The following ATP6V1B1 variants were observed in gnomAD, a reference collection of about 807,000 sequenced individuals.
The protein encoded by ATP6V1B1 is ATPase H+ transporting V1 subunit B1, also known as V-type proton ATPase subunit B, kidney isoform.
ATP6V1B1 carries 41 observed loss-of-function variants against 62.1 expected under a neutral mutation model. The observed-to-expected ratio is 0.66, with a 90% CI of 0.51 to 0.86. The LOEUF (loss-of-function observed/expected upper bound fraction) is 0.86. Ranked by LOEUF, ATP6V1B1 falls within the 40% of genes least tolerant of loss-of-function variation. The probability of loss-of-function intolerance (pLI) is 0.00; values close to 1 mark genes in which losing one functional copy is unlikely to be tolerated. For synonymous variants in ATP6V1B1, 253 were observed against 273.4 expected (o/e 0.93, Z 0.74); for missense variants, 651 against 697.5 (o/e 0.93, Z 0.75).
At chr2:70,939,443 CAG>C (rs1395617415) in intron 1 of ATP6V1B1, 18 of 152,328 alleles carry the variant, frequency 1.2e-4, no homozygotes, top group African/African-American at 4.3e-4. Flanking sequence ...CCCAGGGTTG[CAG>C]AGTGGGCCAT....
At chr2:70,941,755 G>A in intron 1 of ATP6V1B1, 4 of 985,854 alleles carry the variant, frequency 4.1e-6, no homozygotes, top group African/African-American at 1.7e-5. Flanking sequence ...GGAAAGGAGA[G>A]GAAGAAGTGG....
At chr2:70,944,216 C>T in intron 2 of ATP6V1B1, 2 of 1,289,308 alleles carry the variant, frequency 1.6e-6, no homozygotes, top group Non-Finnish European at 2.0e-6. Context: ...ATCTCAGTCT[C>T]AGCAACATGG....
intron 1 of ATP6V1B1, chr2:70,941,436 C>T (rs1680002575): frequency 1.0e-6 from 1 of 985,306 alleles, no homozygotes; most frequent in Non-Finnish European, 1.2e-6. Context: ...TCCCCAGCTC[C>T]CTGGGGGCTG....
intron 2 of ATP6V1B1, among the ~76,000 whole-genome samples, chr2:70,948,048 A>C (rs375219871): frequency 6.6e-6 from 1 of 152,216 alleles, no homozygotes; most frequent in East Asian, 1.9e-4. Context: ...AAGGTTCCAG[A>C]CACTACACCC....
intron 2 of ATP6V1B1, among the ~76,000 whole-genome samples, chr2:70,946,879 C>T (rs10185513): frequency 0.28 from 41,944 of 152,030 alleles, 5,808 homozygotes; most frequent in Admixed American, 0.33. Context: ...GGTCCCCAGA[C>T]CTGTGGTTTT....
At position 70,963,611 on chromosome 2, in the gene ATP6V1B1, C is replaced by T. The variant is rs199924171; in HGVS notation, c.1100C>T (p.Thr367Ile). ...HPIPDLTGFI[T>I]EGQIYVDRQL... ...ATCCCAGACTTGACGGGCTTCATCA[C>T]AGAGGGACAGATCTACGTGGACAGA... is the stretch of plus-strand genomic sequence containing the variant. The change falls in exon 11 of 14, where the codon ACA (threonine) becomes ATA (isoleucine). Residue 367 changes from threonine (T) to isoleucine (I), a missense_variant. Coordinates refer to ENST00000234396, the MANE Select transcript of ATP6V1B1 (RefSeq NM_001692.4). The surrounding 1 kb of genome is among the most constrained non-coding windows in gnomAD (Gnocchi z 4.3). 69 of 1,614,090 alleles carry T rather than the reference C, an allele frequency of 4.3e-5. No homozygotes were observed. Among genetic ancestry groups the T allele is most frequent in the Admixed American group, 6.7e-5 (4 of 60,010 alleles).
intron 1 of ATP6V1B1, 59 bp downstream of exon 1, chr2:70,936,131 C>T (rs1679846438): frequency 6.4e-7 from 1 of 1,558,732 alleles, no homozygotes; most frequent in African/African-American, 1.4e-5. Context: ...GGTGGGCTGC[C>T]AGGTTCCCGG....
intron 1 of ATP6V1B1, among the ~76,000 whole-genome samples, chr2:70,938,093 C>G (rs782770501): frequency 5.3e-5 from 8 of 152,172 alleles, no homozygotes; most frequent in Non-Finnish European, 1.0e-4. Context: ...TGCTGCCTAT[C>G]AAGTATCCTC....
chr2:70,965,279 G>C lies in ATP6V1B1; in HGVS notation c.*158G>C. 2 of 1,062,276 alleles carry C rather than the reference G, an allele frequency of 1.9e-6. No homozygotes were observed. The highest frequency in any genetic ancestry group is 4.9e-5 in the Admixed American group (2 of 40,926). 65.8% of individuals were successfully genotyped at this position (1,062,276 alleles called of 1,614,324 possible). A position where few individuals can be genotyped will look rare whatever the true frequency, so the allele number is the denominator to read the frequency against. On this transcript the variant is annotated 3_prime_UTR_variant, in exon 14 of 14. Transcript: ENST00000234396. ...GCCGCACGCTCCATCCCTTTCCCTCGCTCGATTCCTTTTCCCGCGCTCCAT... is the reference window on the plus strand; with the variant it reads ...GCCGCACGCTCCATCCCTTTCCCTCCCTCGATTCCTTTTCCCGCGCTCCAT...
intron 1 of ATP6V1B1, chr2:70,938,800 A>G (rs1238456567): frequency 2.0e-6 from 2 of 985,206 alleles, no homozygotes; most frequent in Non-Finnish European, 2.4e-6. Context: ...TGGAGGGTGG[A>G]GGTGCCCAGC....
Position 70,962,788 on chromosome 2 carries a change from T to A in ATP6V1B1, c.797T>A (p.Ile266Asn). The A allele has an allele frequency of 6.2e-7, 1 of 1,614,002 alleles. No individual in the cohort carries two copies. The highest frequency in any genetic ancestry group is 1.1e-5 in the South Asian group (1 of 91,056). Residue 266 changes from isoleucine (I) to asparagine (N), a missense_variant, in exon 9 of 14, where the codon ATC (isoleucine) becomes AAC (asparagine). Physicochemically the swap from Ile to Asn is moderately radical, Grantham distance 149. Transcript: ENST00000234396. ...NLANDPTIERIITPRLALTTA... is the reference protein window; with the variant it reads ...NLANDPTIERNITPRLALTTA... The stretch of plus-strand genomic sequence containing the variant: ...GGCTACACCTCCAGGATCGAGCGGA[T>A]CATCACCCCGCGCCTGGCGCTGACC...
At position 70,964,114 on chromosome 2, in the gene ATP6V1B1, A is replaced by ATTT. The variant is rs66905923; in HGVS notation, c.1144-304_1144-302dup. 1,069 of 126,976 alleles carry ATTT rather than the reference A, an allele frequency of 8.4e-3. 129 individuals carry two copies. Among genetic ancestry groups the ATTT allele is most frequent in the South Asian group, 0.025 (226 of 9,116 alleles). 7.9% of individuals were successfully genotyped at this position (126,976 alleles called of 1,614,324 possible). The stretch of plus-strand genomic sequence containing the variant: ...ACGTTTTTCTCTTTGCTTGGCAGGT[A>ATTT]TTTTTTTTTTTTTTTTTTTTTTGCA... On this transcript the variant is annotated intron_variant, in intron 11 of 13. Transcript: ENST00000234396.
Position 70,962,839 on chromosome 2 carries a change from G to A in ATP6V1B1, c.848G>A (p.Cys283Tyr), listed in dbSNP as rs1553420348. The change falls in exon 9 of 14, where the codon TGT (cysteine) becomes TAT (tyrosine). Residue 283 changes from cysteine (C) to tyrosine (Y), a missense_variant. Transcript: ENST00000234396. ...ACTGCTGAATTCCTTGCCTACCAGT[G>A]TGAGAAGCATGTGCTGGTCATACTG... is the stretch of plus-strand genomic sequence containing the variant. ...LTTAEFLAYQCEKHVLVILTD... is the reference protein window; with the variant it reads ...LTTAEFLAYQYEKHVLVILTD... 6.2e-7 allele frequency: 1 copy of A among 1,614,210 alleles called. No individual in the cohort carries two copies. Among genetic ancestry groups the A allele is most frequent in the Non-Finnish European group, 8.5e-7 (1 of 1,180,026 alleles).
chr2:70,949,662 A>G (rs1553417963), intron 2 of ATP6V1B1, among the ~76,000 whole-genome samples: 1 of 152,214 alleles, frequency 6.6e-6, no homozygotes, highest in African/African-American at 2.4e-5. Context: ...CATTTCTCTG[A>G]TAACTAGGAA....
At position 70,956,886 on chromosome 2, in the gene ATP6V1B1, A is replaced by G. The variant is rs139616788; in HGVS notation, c.175-1160A>G. 9.2e-5 allele frequency among the ~76,000 whole-genome samples: 14 copies of G among 151,890 alleles called. No individual in the cohort carries two copies. In the East Asian group the frequency reaches 2.7e-3, roughly 30 times the overall value. Reference sequence around the variant, plus strand: ...AGGCATGAACCACCTTGCCTGGCCTATCTTTTTTATTATAGCCATCCTAGA... The same window carrying G: ...AGGCATGAACCACCTTGCCTGGCCTGTCTTTTTTATTATAGCCATCCTAGA... On this transcript the variant is annotated intron_variant, in intron 2 of 13. Transcript: ENST00000234396.
In ATP6V1B1 at chr2:70,955,943, C is replaced by T. The variant is rs78880248; in HGVS notation, c.175-2103C>T. ...GCCAGCAGCAGTTCTAACACAATTT[C>T]GGGTGCTATTGGGAATTCGGGAATC... On this transcript the variant is annotated intron_variant, in intron 2 of 13. Coordinates refer to ENST00000234396, the MANE Select transcript of ATP6V1B1 (RefSeq NM_001692.4). 4.6e-3 allele frequency: 745 copies of T among 161,836 alleles called. 14 individuals are homozygous for T. In the East Asian group the frequency reaches 0.047, roughly 10 times the overall value. The allele number at this position is 161,836 out of a possible 1,614,324, so 10.0% of individuals were successfully genotyped here.
At chr2:70,944,281 G>A in intron 2 of ATP6V1B1, 2 of 1,242,122 alleles carry the variant, frequency 1.6e-6, no homozygotes, top group Non-Finnish European at 2.1e-6. Context: ...CTATTTTGTA[G>A]CCCCTGGGAA....
chr2:70,945,337 C>T (rs1680130342), intron 2 of ATP6V1B1, among the ~76,000 whole-genome samples: 1 of 152,086 alleles, frequency 6.6e-6, no homozygotes, highest in African/African-American at 2.4e-5. Context: ...ACATTCAGAA[C>T]TAGAGGAAAC....
chr2:70,946,533 G>A (rs1428737797), intron 2 of ATP6V1B1, among the ~76,000 whole-genome samples: 1 of 152,196 alleles, frequency 6.6e-6, no homozygotes, highest in Non-Finnish European at 1.5e-5. Flanking sequence ...CCTTCCAGGT[G>A]AACTGATGCT....
Sources: allele counts gnomAD v4.1 joint callset (sites outside exome capture counted in the v4.1 genomes callset), GRCh38; gene constraint gnomAD v4.1.1; non-coding constraint Gnocchi (gnomAD v3.1); transcripts MANE v1.5; gene names NCBI Gene and HGNC (gene_info 2026-07-23, HGNC 2026-07-21).